TF: variants seen among roughly 807,000 people sequenced by gnomAD.
TF encodes transferrin.
In TF, 55 loss-of-function variants were observed where a neutral mutation model predicts 82.4. The observed-to-expected ratio is 0.67, with a 90% confidence interval of 0.54 to 0.84. The LOEUF is 0.84. TF is among the 40% of genes least tolerant of loss of function. The probability of loss-of-function intolerance (pLI) is 0.00; values close to 1 mark genes in which losing one functional copy is unlikely to be tolerated. For missense variants in TF, 737 were observed against 868.4 expected, an observed-to-expected ratio of 0.85 and a Z score of 1.90; for synonymous variants, 332 against 332.6, an observed-to-expected ratio of 1.00 and a Z score of 0.02.
intron 15 of TF, among the ~76,000 whole-genome samples, chr3:133,776,831 A>T (rs1303131028): frequency 1.3e-5 from 2 of 152,186 alleles, no homozygotes; most frequent in African/African-American, 4.8e-5. Context: ...AGGTGGGACC[A>T]GGGACCCTAT....
chr3:133,775,713 T>C, intron 15 of TF, 96 bp downstream of exon 15: 1 of 1,294,358 alleles, frequency 7.7e-7, no homozygotes, highest in Non-Finnish European at 1.1e-6. Context: ...ACTCCAGCAC[T>C]TTCTTTTTGA....
At chr3:133,662,420 T>A in the TF span, 3 of 152,202 alleles carry the variant, frequency 2.0e-5, no homozygotes, top group Admixed American at 6.6e-5. Flanking sequence ...ACGGACTGGG[T>A]GGTTTCCCTC....
the TF span, among the ~76,000 whole-genome samples, chr3:133,694,886 A>AT: frequency 0.14 from 15,851 of 115,548 alleles, 936 homozygotes; most frequent in Non-Finnish European, 0.17. Context: ...TTATTTATTT[A>AT]TTATTATTAT....
At chr3:133,758,035 G>A (rs1933888536) in intron 8 of TF, 89 bp downstream of exon 8, 9 of 1,276,538 alleles carry the variant, frequency 7.1e-6, no homozygotes, top group Middle Eastern at 2.6e-4. Context: ...TCAGGGACCT[G>A]CACGCCTCTC....
the TF span, among the ~76,000 whole-genome samples, chr3:133,732,629 A>G: frequency 6.6e-6 from 1 of 152,022 alleles, no homozygotes; most frequent in Non-Finnish European, 1.5e-5. Context: ...AACAGTCATC[A>G]TGAAGGTCTG....
Position 133,754,494 on chromosome 3 carries a change from G to A in TF, c.326-1G>A. 1 of 1,614,098 alleles carries A rather than the reference G, an allele frequency of 6.2e-7. No individual in the cohort carries two copies. Among genetic ancestry groups the A allele is most frequent in the Non-Finnish European group, 8.5e-7 (1 of 1,179,970 alleles). On this transcript the variant is annotated splice_acceptor_variant, in intron 3 of 16. Transcript: ENST00000402696. LOFTEE classifies it high-confidence loss of function. The stretch of plus-strand genomic sequence containing the variant: ...CTTCCATTCACACTGTGCCTTTGCA[G>A]ATCCACAGACTTTCTATTATGCTGT...
the TF span, among the ~76,000 whole-genome samples, chr3:133,683,115 T>G: frequency 6.6e-6 from 1 of 152,122 alleles, no homozygotes; most frequent in Non-Finnish European, 1.5e-5. Flanking sequence ...GGTTCCTAAG[T>G]GAAGGAGAAA....
intron 10 of TF, 44 bp from the exon 11 acceptor site, chr3:133,764,831 T>C (rs765774461): frequency 3.1e-6 from 5 of 1,597,380 alleles, no homozygotes; most frequent in African/African-American, 1.3e-5. Flanking sequence ...TCCCAATCTA[T>C]AAATCAGGGT....
chr3:133,741,390 C>T (rs1331887531), upstream of TF, among the ~76,000 whole-genome samples: 1 of 152,026 alleles, frequency 6.6e-6, no homozygotes, highest in African/African-American at 2.4e-5. Flanking sequence ...TTTTCCTTTT[C>T]AATCCTTTTA....
At chr3:133,710,349 C>A in the TF span, among the ~76,000 whole-genome samples, 2 of 152,168 alleles carry the variant, frequency 1.3e-5, no homozygotes, top group African/African-American at 2.4e-5. Context: ...AGCGTCACAG[C>A]GCGGCAGAGC....
the TF span, among the ~76,000 whole-genome samples, chr3:133,712,307 G>C: frequency 6.6e-6 from 1 of 152,096 alleles, no homozygotes; most frequent in African/African-American, 2.4e-5. Context: ...TTGTGAAAAA[G>C]GGCAATGGCA....
upstream of TF, chr3:133,746,032 C>T: frequency 6.1e-6 from 2 of 326,552 alleles, no homozygotes; most frequent in South Asian, 6.5e-5. Flanking sequence ...TCGGAGTCTT[C>T]CTCTGTGGAC....
the TF span, among the ~76,000 whole-genome samples, chr3:133,735,517 GAGC>G: frequency 6.6e-6 from 1 of 152,086 alleles, no homozygotes; most frequent in African/African-American, 2.4e-5. Flanking sequence ...CGAGCTAAAG[GAGC>G]ATGTTCTAAC....
chr3:133,768,156 C>G lies in TF; in HGVS notation c.1614C>G (p.Gly538=). The G allele has an allele frequency of 6.2e-7, 1 of 1,614,158 alleles. No individual in the cohort carries two copies. The highest frequency in any genetic ancestry group is 8.5e-7 in the Non-Finnish European group (1 of 1,180,042). Residue 538 remains glycine, a synonymous_variant, in exon 13 of 17, where the codon GGC becomes GGG. Coordinates refer to ENST00000402696, the MANE Select transcript of TF (RefSeq NM_001063.4). ...AAGAGGGATACTACGGCTACACAGG[C>G]GCTTTCAGGTGAGTCTTTTAACCCT... is the stretch of plus-strand genomic sequence containing the variant. ...NNKEGYYGYT[G]AFRCLVEKGD...
chr3:133,726,192 C>T, the TF span, among the ~76,000 whole-genome samples: 1 of 152,132 alleles, frequency 6.6e-6, no homozygotes, highest in African/African-American at 2.4e-5. Context: ...AGGGAGGATT[C>T]CCTCTTTTTC....
At chr3:133,708,379 C>T in the TF span, among the ~76,000 whole-genome samples, 3 of 152,028 alleles carry the variant, frequency 2.0e-5, no homozygotes, top group Non-Finnish European at 4.4e-5. Flanking sequence ...TGAAAAAGTA[C>T]AGTGTATGTA....
intron 1 of TF, 127 bp from the exon 2 acceptor site, chr3:133,748,285 T>C: frequency 8.5e-7 from 1 of 1,182,464 alleles, no homozygotes; most frequent in South Asian, 1.3e-5. Context: ...CCCTGTAGTG[T>C]TCATGGACAG....
At chr3:133,699,986 G>A in the TF span, 1 of 178,190 alleles carries the variant, frequency 5.6e-6, no homozygotes, top group Non-Finnish European at 1.2e-5. Flanking sequence ...CTGCCCTCCT[G>A]ACAACTCTGC....
the TF span, among the ~76,000 whole-genome samples, chr3:133,709,312 T>A: frequency 1.3e-5 from 2 of 152,136 alleles, no homozygotes; most frequent in Non-Finnish European, 2.9e-5. Context: ...ATTGGAAGTG[T>A]AGTTTCCATA....
Sources: allele counts gnomAD v4.1 joint callset (sites outside exome capture counted in the v4.1 genomes callset), GRCh38; gene constraint gnomAD v4.1.1; transcripts MANE v1.5; gene names NCBI Gene and HGNC (gene_info 2026-07-23, HGNC 2026-07-21).